Variants in ASB18 observed in about 807,000 individuals in gnomAD.
The protein encoded by ASB18 is ankyrin repeat and SOCS box protein 18.
ASB18 carries 33 observed loss-of-function variants against 33.4 expected under a neutral mutation model. The observed-to-expected ratio is 0.99, with a 90% CI of 0.75 to 1.32. The LOEUF (loss-of-function observed/expected upper bound fraction) is 1.32. Ranked by LOEUF, ASB18 falls within the 40% of genes most tolerant of loss-of-function variation. The pLI, the probability that ASB18 is intolerant of heterozygous loss-of-function variation, is 0.00. For synonymous variants in ASB18, 295 were observed against 307.6 expected (o/e 0.96, Z 0.43); for missense variants, 694 against 655.5 (o/e 1.06, Z -0.64).
In ASB18 at chr2:236,255,519, G is replaced by T. The variant is rs1488430926; in HGVS notation, c.205+8622C>A. On this transcript the variant is annotated intron_variant, in intron 1 of 5. Coordinates refer to ENST00000409749, the MANE Select transcript of ASB18 (RefSeq NM_212556.4). This position sits in a 1 kb window ranked among gnomAD's most constrained non-coding sequence, Gnocchi z 4.4. ...TATTTCTTTTTCAGGTGGGCACATT[G>T]CATGCCACAGGGATTTTGCTGGTAA... 6.6e-6 allele frequency among the ~76,000 whole-genome samples: 1 copy of T among 152,156 alleles called. No homozygotes were observed. The highest frequency in any genetic ancestry group is 2.4e-5 in the African/African-American group (1 of 41,440).
rs111994715 is a variant in ASB18 at position 236,221,224 on chromosome 2, GCAA to G, written c.597-6361_597-6359del. On this transcript the variant is annotated intron_variant, in intron 3 of 5. Coordinates refer to ENST00000409749, the MANE Select transcript of ASB18 (RefSeq NM_212556.4). The surrounding 1 kb of genome is among the most constrained non-coding windows in gnomAD (Gnocchi z 5.6). Reference sequence around the variant, plus strand: ...CAAAAGATGATGCTGACTGAGCAATGCAACAACAACAACAACAACAACAAACAG... The same window carrying G: ...CAAAAGATGATGCTGACTGAGCAATGCAACAACAACAACAACAACAAACAG... Among the ~76,000 whole-genome samples the G allele has an allele frequency of 2.1e-4, 31 of 146,532 alleles. No individual in the cohort carries two copies. The highest frequency in any genetic ancestry group is 6.3e-4 in the African/African-American group (23 of 36,514).
intron 1 of ASB18, among the ~76,000 whole-genome samples, chr2:236,242,515 A>T (rs980237755): frequency 6.6e-6 from 1 of 152,000 alleles, no homozygotes; most frequent in Non-Finnish European, 1.5e-5. Context: ...GAAGAATAAT[A>T]TTTCATGATA....
At chr2:236,202,756 C>A (rs556567287) in intron 4 of ASB18, among the ~76,000 whole-genome samples, 3 of 128,230 alleles carry the variant, frequency 2.3e-5, no homozygotes, top group Admixed American at 8.9e-5. Context: ...TCCAGCCTGG[C>A]GACAGAGTGA....
At position 236,264,001 on chromosome 2, in the gene ASB18, A is replaced by G. The variant is rs2060733448; in HGVS notation, c.205+140T>C. 1.4e-6 allele frequency: 1 copy of G among 695,350 alleles called. No homozygotes were observed. The highest frequency in any genetic ancestry group is 2.5e-6 in the Non-Finnish European group (1 of 401,306). 43.1% of individuals were successfully genotyped at this position (695,350 alleles called of 1,614,324 possible). On this transcript the variant is annotated intron_variant, in intron 1 of 5. Coordinates refer to ENST00000409749, the MANE Select transcript of ASB18 (RefSeq NM_212556.4). The surrounding 1 kb of genome is among the most constrained non-coding windows in gnomAD (Gnocchi z 5.1). ...TGGTCTATGCAGTACACATATATGC[A>G]TGTATGTATGAGAGTCAGATATCCG...
chr2:236,220,575 CTATT>C lies in ASB18; in HGVS notation c.597-5713_597-5710del, dbSNP rs1385263568. Among the ~76,000 whole-genome samples, 1 of 146,668 alleles carries C rather than the reference CTATT, an allele frequency of 6.8e-6. No individual in the cohort carries two copies. Among genetic ancestry groups the C allele is most frequent in the Non-Finnish European group, 1.5e-5 (1 of 67,170 alleles). On this transcript the variant is annotated intron_variant, in intron 3 of 5. Transcript: ENST00000409749. The surrounding 1 kb of genome is among the most constrained non-coding windows in gnomAD (Gnocchi z 5.1). ...GGCCTTTTTTTTTTTTTTTAAACAA[CTATT>C]TATCTTTAGTCCCTGAAACAACTTT...
chr2:236,244,025 C>T lies in ASB18; in HGVS notation c.206-2623G>A, dbSNP rs150646186. On this transcript the variant is annotated intron_variant, in intron 1 of 5. Transcript: ENST00000409749. The surrounding 1 kb of genome is among the most constrained non-coding windows in gnomAD (Gnocchi z 6.1). ...AATTTTTAGTAGAGACAGGGTTTCA[C>T]CTTGTTGGCTAGGCTGGTCTCAAAC... is the stretch of plus-strand genomic sequence containing the variant. Among the ~76,000 whole-genome samples, 1 of 152,168 alleles carries T rather than the reference C, an allele frequency of 6.6e-6. No individual in the cohort carries two copies. The highest frequency in any genetic ancestry group is 1.5e-5 in the Non-Finnish European group (1 of 68,032).
chr2:236,229,158 A>C lies in ASB18; in HGVS notation c.596+8531T>G, dbSNP rs2060553774. On this transcript the variant is annotated intron_variant, in intron 3 of 5. Transcript: ENST00000409749. This position sits in a 1 kb window ranked among gnomAD's most constrained non-coding sequence, Gnocchi z 5.2. ...GGCCATTAAAACACTTGTTATAACTATATTCCACCTGTTTGAGAAGCTAGA... is the reference window on the plus strand; with the variant it reads ...GGCCATTAAAACACTTGTTATAACTCTATTCCACCTGTTTGAGAAGCTAGA... Among the ~76,000 whole-genome samples, 1 of 152,244 alleles carries C rather than the reference A, an allele frequency of 6.6e-6. No homozygotes were observed. Among genetic ancestry groups the C allele is most frequent in the African/African-American group, 2.4e-5 (1 of 41,468 alleles).
chr2:236,212,598 T>C (rs1255187486), intron 4 of ASB18, among the ~76,000 whole-genome samples: 5 of 152,216 alleles, frequency 3.3e-5, no homozygotes, highest in Admixed American at 3.3e-4. Context: ...TTTCCCCTTT[T>C]GGCCCATCCT....
rs1295471774 is a variant in ASB18, at chr2:236,251,531, C to T, written c.206-10129G>A. On this transcript the variant is annotated intron_variant, in intron 1 of 5. Coordinates refer to ENST00000409749, the MANE Select transcript of ASB18 (RefSeq NM_212556.4). The surrounding 1 kb of genome is among the most constrained non-coding windows in gnomAD (Gnocchi z 5.3). Reference sequence around the variant, plus strand: ...GTTGGTTTGCTTTGATTGTTCTGCCCTGTGATCCTTTATATCCCTTCTAGA... The same window carrying T: ...GTTGGTTTGCTTTGATTGTTCTGCCTTGTGATCCTTTATATCCCTTCTAGA... Among the ~76,000 whole-genome samples the T allele has an allele frequency of 6.6e-6, 1 of 152,138 alleles. No homozygotes were observed. The highest frequency in any genetic ancestry group is 2.1e-4 in the South Asian group (1 of 4,814).
rs745806597 is a variant in ASB18 at position 236,194,276 on chromosome 2, C to A, written c.*596G>T. Among the ~76,000 whole-genome samples the A allele has an allele frequency of 6.6e-6, 1 of 152,148 alleles. No homozygotes were observed. The highest frequency in any genetic ancestry group is 1.5e-5 in the Non-Finnish European group (1 of 68,038). ...TGCAAACATTTATTCCTTGATCTAA[C>A]CCACCAGCAGGACAACCACCATCAC... On this transcript the variant is annotated 3_prime_UTR_variant, in exon 6 of 6. Coordinates refer to ENST00000409749, the MANE Select transcript of ASB18 (RefSeq NM_212556.4). This position sits in a 1 kb window ranked among gnomAD's most constrained non-coding sequence, Gnocchi z 4.5.
Position 236,194,782 on chromosome 2 carries a change from C to A in ASB18, c.*90G>T. On this transcript the variant is annotated 3_prime_UTR_variant, in exon 6 of 6. Coordinates refer to ENST00000409749, the MANE Select transcript of ASB18 (RefSeq NM_212556.4). The surrounding 1 kb of genome is among the most constrained non-coding windows in gnomAD (Gnocchi z 4.5). ...GCAAGTGGGAAGGGAACTCCCATCACCTCCATCTGCATCAGGGCACTCTCC... is the reference window on the plus strand; with the variant it reads ...GCAAGTGGGAAGGGAACTCCCATCAACTCCATCTGCATCAGGGCACTCTCC... 8.5e-7 allele frequency: 1 copy of A among 1,169,662 alleles called. No individual in the cohort carries two copies. The highest frequency in any genetic ancestry group is 1.2e-6 in the Non-Finnish European group (1 of 826,978). The allele number at this position is 1,169,662 out of a possible 1,614,324, so 72.5% of individuals were successfully genotyped here. A position where few individuals can be genotyped will look rare whatever the true frequency, so the allele number is the denominator to read the frequency against.
Position 236,238,172 on chromosome 2 carries a change from AAAGGAGAGATTG to A in ASB18, c.329-228_329-217del, listed in dbSNP as rs2060605283. Among the ~76,000 whole-genome samples the A allele has an allele frequency of 1.3e-5, 2 of 152,120 alleles. No individual in the cohort carries two copies. Among genetic ancestry groups the A allele is most frequent in the African/African-American group, 4.8e-5 (2 of 41,426 alleles). Reference sequence around the variant, plus strand: ...CAGGCGTAGACAGAGGAAGAAATACAAAGGAGAGATTGAAGGCTAAAACCGAGCTAGAGAGAT... The same window carrying A: ...CAGGCGTAGACAGAGGAAGAAATACAAAGGCTAAAACCGAGCTAGAGAGAT... On this transcript the variant is annotated intron_variant, in intron 2 of 5. Transcript: ENST00000409749. This position sits in a 1 kb window ranked among gnomAD's most constrained non-coding sequence, Gnocchi z 5.2.
At position 236,195,579 on chromosome 2, in the gene ASB18, G is replaced by T. The variant is rs531340611; in HGVS notation, c.1216-522C>A. 6.7e-4 allele frequency among the ~76,000 whole-genome samples: 102 copies of T among 151,450 alleles called. No homozygotes were observed. The highest frequency in any genetic ancestry group is 1.3e-3 in the Non-Finnish European group (88 of 67,900). ...CACCCAGGCTGGAGTGCAGTGGCGTGATCCCAGCTTATTGCACTCTCTGCC... is the reference window on the plus strand; with the variant it reads ...CACCCAGGCTGGAGTGCAGTGGCGTTATCCCAGCTTATTGCACTCTCTGCC... On this transcript the variant is annotated intron_variant, in intron 5 of 5. Transcript: ENST00000409749. This position sits in a 1 kb window ranked among gnomAD's most constrained non-coding sequence, Gnocchi z 5.5.
At position 236,217,433 on chromosome 2, in the gene ASB18, C is replaced by A. The variant is rs1020292179; in HGVS notation, c.597-2567G>T. On this transcript the variant is annotated intron_variant, in intron 3 of 5. Transcript: ENST00000409749. The surrounding 1 kb of genome is among the most constrained non-coding windows in gnomAD (Gnocchi z 5.2). ...GTCTCAAAAAAAAAAAAAAATAAATCTTGGCACCTTCAACTCCTTGGGTGT... is the reference window on the plus strand; with the variant it reads ...GTCTCAAAAAAAAAAAAAAATAAATATTGGCACCTTCAACTCCTTGGGTGT... 1.7e-5 allele frequency among the ~76,000 whole-genome samples: 2 copies of A among 119,186 alleles called. No homozygotes were observed. The highest frequency in any genetic ancestry group is 7.6e-5 in the Admixed American group (1 of 13,122). The allele number at this position is 119,186 out of a possible 152,430, so 78.2% of individuals were successfully genotyped here.
At position 236,223,992 on chromosome 2, in the gene ASB18, T is replaced by C. The variant is rs1309265630; in HGVS notation, c.597-9126A>G. ...ATAAATAAAGCTTCTATGAACGTTT[T>C]TGTATAAGTCTTCCTGGGGACATAT... On this transcript the variant is annotated intron_variant, in intron 3 of 5. Coordinates refer to ENST00000409749, the MANE Select transcript of ASB18 (RefSeq NM_212556.4). This position sits in a 1 kb window ranked among gnomAD's most constrained non-coding sequence, Gnocchi z 4.6. Among the ~76,000 whole-genome samples, 4 of 152,166 alleles carry C rather than the reference T, an allele frequency of 2.6e-5. No individual in the cohort carries two copies. The highest frequency in any genetic ancestry group is 5.9e-5 in the Non-Finnish European group (4 of 68,018).
chr2:236,202,203 G>A (rs1035735664), intron 4 of ASB18, among the ~76,000 whole-genome samples: 3 of 151,814 alleles, frequency 2.0e-5, no homozygotes, highest in African/African-American at 7.3e-5. Flanking sequence ...CACCCTCCTC[G>A]GCCTCCCAAA....
At position 236,262,823 on chromosome 2, in the gene ASB18, C is replaced by T. The variant is rs1177085760; in HGVS notation, c.205+1318G>A. On this transcript the variant is annotated intron_variant, in intron 1 of 5. Coordinates refer to ENST00000409749, the MANE Select transcript of ASB18 (RefSeq NM_212556.4). This position sits in a 1 kb window ranked among gnomAD's most constrained non-coding sequence, Gnocchi z 5.2. Reference sequence around the variant, plus strand: ...GAAGAGGAAGCAAGAGAAGGTTCCTCCCTAAAGCGACTTGCTTAAGTCCCC... The same window carrying T: ...GAAGAGGAAGCAAGAGAAGGTTCCTTCCTAAAGCGACTTGCTTAAGTCCCC... Among the ~76,000 whole-genome samples, 2 of 152,256 alleles carry T rather than the reference C, an allele frequency of 1.3e-5. No individual in the cohort carries two copies. Among genetic ancestry groups the T allele is most frequent in the East Asian group, 1.9e-4 (1 of 5,158 alleles).
rs1418017391 is a variant in ASB18, at chr2:236,231,562, A to T, written c.596+6127T>A. On this transcript the variant is annotated intron_variant, in intron 3 of 5. Coordinates refer to ENST00000409749, the MANE Select transcript of ASB18 (RefSeq NM_212556.4). This position sits in a 1 kb window ranked among gnomAD's most constrained non-coding sequence, Gnocchi z 5.5. ...AGACAATGAATCTGCTGGCAACTTG[A>T]TCTTGGACTTCCCAGCCTCCAGGAC... 6.6e-6 allele frequency among the ~76,000 whole-genome samples: 1 copy of T among 152,166 alleles called. No homozygotes were observed. The highest frequency in any genetic ancestry group is 2.4e-5 in the African/African-American group (1 of 41,444).
Position 236,205,329 on chromosome 2 carries a change from C to T in ASB18, c.1102-8944G>A, listed in dbSNP as rs2060427841. On this transcript the variant is annotated intron_variant, in intron 4 of 5. Transcript: ENST00000409749. The surrounding 1 kb of genome is among the most constrained non-coding windows in gnomAD (Gnocchi z 5.4). ...TGTGGTTCTGTGCGCAGGGCTGGCCCACTCCAGCCTTAGGCTACAGATGGC... is the reference window on the plus strand; with the variant it reads ...TGTGGTTCTGTGCGCAGGGCTGGCCTACTCCAGCCTTAGGCTACAGATGGC... 6.6e-6 allele frequency among the ~76,000 whole-genome samples: 1 copy of T among 152,176 alleles called. No homozygotes were observed. The highest frequency in any genetic ancestry group is 2.1e-4 in the South Asian group (1 of 4,812).
Sources: allele counts gnomAD v4.1 joint callset (sites outside exome capture counted in the v4.1 genomes callset), GRCh38; gene constraint gnomAD v4.1.1; non-coding constraint Gnocchi (gnomAD v3.1); transcripts MANE v1.5; gene names NCBI Gene and HGNC (gene_info 2026-07-23, HGNC 2026-07-21).